Variants in ZNF536 observed in about 807,000 individuals in gnomAD.
ZNF536 encodes zinc finger protein 536.
In ZNF536, 13 loss-of-function variants were observed where a neutral mutation model predicts 84.5. That is an observed-to-expected ratio of 0.15 (90% CI 0.10 to 0.24). The LOEUF (loss-of-function observed/expected upper bound fraction) is 0.24, where lower values mean the gene tolerates loss of function less well. Ranked by LOEUF, ZNF536 falls within the 10% of genes least tolerant of loss-of-function variation. ZNF536 has a pLI of 1.00. For missense variants in ZNF536, 1,536 were observed against 1,747.5 expected, an observed-to-expected ratio of 0.88 and a Z score of 2.16; for synonymous variants, 811 against 742.5, an observed-to-expected ratio of 1.09 and a Z score of -1.50.
At chr19:30,372,744 C>G (rs978950601) in intron 1 of ZNF536, among the ~76,000 whole-genome samples, 188 bp downstream of exon 1, 1 of 152,060 alleles carries the variant, frequency 6.6e-6, no homozygotes, top group African/African-American at 2.4e-5. Context: ...AATTATAGCC[C>G]TTTAAATTTA....
At chr19:30,307,690 C>T (rs929672709) in intron 2 of ZNF536, among the ~76,000 whole-genome samples, 6 of 152,160 alleles carry the variant, frequency 3.9e-5, no homozygotes, top group South Asian at 2.1e-4. Context: ...AAATACAGTC[C>T]GAACTTGATT....
At position 30,440,162 on chromosome 19, in the gene ZNF536, T is replaced by C. The variant is rs539377432; in HGVS notation, c.-2-3399T>C. ...TTTTAGTAGAGACGAAGTTTCAACA[T>C]GTTGTTCAGGCTGATCGCGAACTCC... is the stretch of plus-strand genomic sequence containing the variant. On this transcript the variant is annotated intron_variant, in intron 1 of 4. Coordinates refer to ENST00000355537, the MANE Select transcript of ZNF536 (RefSeq NM_014717.3). 3.9e-5 allele frequency among the ~76,000 whole-genome samples: 6 copies of C among 152,078 alleles called. No homozygotes were observed. In the East Asian group the frequency reaches 9.7e-4, roughly 25 times the overall value.
At chr19:30,456,550 C>T (rs1017838650) in intron 2 of ZNF536, among the ~76,000 whole-genome samples, 6 of 152,108 alleles carry the variant, frequency 3.9e-5, no homozygotes, top group Admixed American at 6.5e-5. Flanking sequence ...AAAATCCCCT[C>T]GTAAGATTGT....
intron 2 of ZNF536, among the ~76,000 whole-genome samples, chr19:30,324,249 C>T (rs1365750999): frequency 6.6e-6 from 1 of 152,136 alleles, no homozygotes; most frequent in Non-Finnish European, 1.5e-5. Context: ...CCCATCCATC[C>T]ATCCCATCCA....
chr19:30,226,374 G>A (rs1185450160), upstream of ZNF536, among the ~76,000 whole-genome samples: 5 of 152,058 alleles, frequency 3.3e-5, no homozygotes, highest in South Asian at 2.1e-4. This position sits in a 1 kb window ranked among gnomAD's most constrained non-coding sequence, Gnocchi z 4.6. Context: ...CCCTCCGCCC[G>A]TGGAGAGAGG....
At chr19:30,343,972 T>A (rs1350717851) in intron 2 of ZNF536, among the ~76,000 whole-genome samples, 5 of 151,848 alleles carry the variant, frequency 3.3e-5, no homozygotes, top group Admixed American at 1.3e-4. Context: ...AATAGCTTGG[T>A]GTAACAGTCA....
At chr19:30,383,150 C>A (rs7257896) in intron 1 of ZNF536, among the ~76,000 whole-genome samples, 77,136 of 151,828 alleles carry the variant, frequency 0.51, 22,235 homozygotes, top group Non-Finnish European at 0.64. Context: ...CTTAGCTGGG[C>A]ATGGTGCTGG....
At chr19:30,447,798 G>T (rs1449023501) in intron 2 of ZNF536, among the ~76,000 whole-genome samples, 4 of 152,174 alleles carry the variant, frequency 2.6e-5, no homozygotes, top group Non-Finnish European at 5.9e-5. Flanking sequence ...CAGCAAACTG[G>T]TTCCCCTAAG....
At chr19:30,596,527 T>A (rs2047470099) in intron 1 of ZNF536, among the ~76,000 whole-genome samples, 1 of 152,232 alleles carries the variant, frequency 6.6e-6, no homozygotes, top group Admixed American at 6.5e-5. Context: ...TGTTACTGTT[T>A]ACCACTTTAA....
chr19:30,661,555 A>G (rs902606355), intron 1 of ZNF536, among the ~76,000 whole-genome samples: 1 of 152,220 alleles, frequency 6.6e-6, no homozygotes, highest in African/African-American at 2.4e-5. Flanking sequence ...GTTCCCTCTC[A>G]CCCAGCAATT....
At chr19:30,605,326 C>A (rs558187747) in intron 1 of ZNF536, among the ~76,000 whole-genome samples, 1 of 152,138 alleles carries the variant, frequency 6.6e-6, no homozygotes, top group African/African-American at 2.4e-5. Flanking sequence ...TCTTTTACCC[C>A]TGACCCCCTC....
chr19:30,615,356 A>G (rs1348642178), intron 1 of ZNF536, among the ~76,000 whole-genome samples: 2 of 152,136 alleles, frequency 1.3e-5, no homozygotes, highest in African/African-American at 2.4e-5. Flanking sequence ...TGGCTAGCCA[A>G]TTGAACCAAA....
At chr19:30,493,089 CTTTTTTTTTTT>C (rs201787656) in intron 2 of ZNF536, among the ~76,000 whole-genome samples, 5 of 71,578 alleles carry the variant, frequency 7.0e-5, no homozygotes, top group Admixed American at 1.7e-4. Flanking sequence ...ATATTACTCA[CTTTTTTTTTTT>C]TTTTTTTTTT....
rs16964283 is a variant in ZNF536, at chr19:30,531,341, G to A, written c.2171-3506G>A. Among the ~76,000 whole-genome samples the A allele has an allele frequency of 5.3e-5, 8 of 152,196 alleles. No homozygotes were observed. In the South Asian group the frequency reaches 1.2e-3, roughly 24 times the overall value. On this transcript the variant is annotated intron_variant, in intron 2 of 4. Coordinates refer to ENST00000355537, the MANE Select transcript of ZNF536 (RefSeq NM_014717.3). Reference sequence around the variant, plus strand: ...AAATGTTCCACAGTGCAGGGCGGCCGTATCGCTATTTTTATCTGTAATGTG... The same window carrying A: ...AAATGTTCCACAGTGCAGGGCGGCCATATCGCTATTTTTATCTGTAATGTG...
intron 1 of ZNF536, among the ~76,000 whole-genome samples, chr19:30,687,876 CACTG>C (rs2051253284): frequency 6.6e-6 from 1 of 152,084 alleles, no homozygotes; most frequent in African/African-American, 2.4e-5. Context: ...TTCTTGAACA[CACTG>C]ACTATTACGT....
chr19:30,407,780 C>T (rs985836322), intron 1 of ZNF536, among the ~76,000 whole-genome samples: 2 of 152,230 alleles, frequency 1.3e-5, no homozygotes, highest in African/African-American at 4.8e-5. Context: ...ATGTATTCTT[C>T]TGCACCCTTC....
At chr19:30,502,030 A>G (rs914452390) in intron 2 of ZNF536, among the ~76,000 whole-genome samples, 1 of 152,166 alleles carries the variant, frequency 6.6e-6, no homozygotes, top group African/African-American at 2.4e-5. Context: ...AGCAAATTCT[A>G]AAAGGGTTGA....
At chr19:30,346,845 T>A (rs2047759883) in intron 2 of ZNF536, among the ~76,000 whole-genome samples, 1 of 152,232 alleles carries the variant, frequency 6.6e-6, no homozygotes, top group Non-Finnish European at 1.5e-5. Flanking sequence ...CAATTTATGT[T>A]CCTTTGGGTA....
intron 1 of ZNF536, among the ~76,000 whole-genome samples, chr19:30,413,613 A>G (rs2050587160): frequency 6.6e-6 from 1 of 152,158 alleles, no homozygotes; most frequent in Non-Finnish European, 1.5e-5. Flanking sequence ...ATTTATTTTT[A>G]AAGTCTAATT....
Sources: gnomAD v4.1 joint callset for allele counts (sites outside exome capture counted in the v4.1 genomes callset) on GRCh38, gnomAD v4.1.1 for gene constraint, Gnocchi (gnomAD v3.1) non-coding constraint, MANE v1.5 for transcripts, NCBI Gene and HGNC (gene_info 2026-07-23, HGNC 2026-07-21) for gene names.